Variants in DPP10 observed in about 807,000 individuals in gnomAD.
DPP10 encodes dipeptidyl peptidase like 10, also known as inactive dipeptidyl peptidase 10.
DPP10 carries 33 observed loss-of-function variants against 120.9 expected under a neutral mutation model. The observed-to-expected ratio is 0.27, with a 90% CI of 0.21 to 0.37. The LOEUF (loss-of-function observed/expected upper bound fraction) is 0.37, where lower values mean the gene tolerates loss of function less well. DPP10 is among the 10% of genes least tolerant of loss of function. The probability of loss-of-function intolerance (pLI) is 1.00; values close to 1 mark genes in which losing one functional copy is unlikely to be tolerated. For missense variants in DPP10, 816 were observed against 942.8 expected, an observed-to-expected ratio of 0.87 and a Z score of 1.76; for synonymous variants, 337 against 326.1, an observed-to-expected ratio of 1.03 and a Z score of -0.36.
chr2:114,606,861 A>G (rs116384752), intron 1 of DPP10, among the ~76,000 whole-genome samples: 2,428 of 152,288 alleles, frequency 0.016, 37 homozygotes, highest in Non-Finnish European at 0.025. Context: ...TTTGAGACTT[A>G]GTGTGGTTAA....
rs187392339 is a variant in DPP10 at position 115,781,135 on chromosome 2, A to G, written c.1483+140A>G. Reference sequence around the variant, plus strand: ...TTTGTTAATAGGATATACATTATATATAGACTTACTGAGATACAATTTTTT... The same window carrying G: ...TTTGTTAATAGGATATACATTATATGTAGACTTACTGAGATACAATTTTTT... On this transcript the variant is annotated intron_variant, in intron 16 of 25. Transcript: ENST00000410059. 5.3e-6 allele frequency: 3 copies of G among 565,026 alleles called. No homozygotes were observed. The South Asian group carries it at 1.5e-4, about 28-fold the overall frequency. The allele number at this position is 565,026 out of a possible 1,614,324, so 35.0% of individuals were successfully genotyped here. A position where few individuals can be genotyped will look rare whatever the true frequency, so the allele number is the denominator to read the frequency against.
At chr2:114,567,601 CA>C (rs760415471) in intron 1 of DPP10, among the ~76,000 whole-genome samples, 5 of 152,108 alleles carry the variant, frequency 3.3e-5, no homozygotes, top group Non-Finnish European at 7.4e-5. Context: ...AATAAAATTA[CA>C]TTTTTTAAAG....
At chr2:115,427,083 C>T (rs976722381) in intron 3 of DPP10, among the ~76,000 whole-genome samples, 3 of 152,328 alleles carry the variant, frequency 2.0e-5, no homozygotes, top group East Asian at 1.9e-4. Context: ...CCAAAATACA[C>T]TCCTTTGATG....
At chr2:115,416,682 C>A (rs989669226) in intron 3 of DPP10, among the ~76,000 whole-genome samples, 11 of 152,096 alleles carry the variant, frequency 7.2e-5, no homozygotes, top group African/African-American at 2.4e-4. Flanking sequence ...AACAAGAAAT[C>A]AATTAAATCA....
At chr2:115,780,552 A>G (rs759613318) in intron 15 of DPP10, among the ~76,000 whole-genome samples, 22 of 151,876 alleles carry the variant, frequency 1.4e-4, no homozygotes, top group Non-Finnish European at 2.1e-4. Flanking sequence ...AGAAATATCT[A>G]TTAAAAATGC....
chr2:115,314,239 G>A (rs2061694123), intron 2 of DPP10, among the ~76,000 whole-genome samples: 1 of 152,150 alleles, frequency 6.6e-6, no homozygotes, highest in Admixed American at 6.6e-5. Flanking sequence ...AGCCACCTGC[G>A]AACTGTGTAT....
At chr2:114,537,480 C>T (rs908928161) in intron 1 of DPP10, among the ~76,000 whole-genome samples, 3 of 151,810 alleles carry the variant, frequency 2.0e-5, no homozygotes, top group Admixed American at 2.0e-4. Flanking sequence ...AGCCACACCA[C>T]GTATCAAATA....
intron 1 of DPP10, among the ~76,000 whole-genome samples, chr2:115,167,709 A>T (rs2053002850): frequency 6.6e-6 from 1 of 151,908 alleles, no homozygotes; most frequent in Admixed American, 6.6e-5. Context: ...TATTAGTATG[A>T]TTACACATGA....
At chr2:115,788,343 A>G (rs1490031984) in intron 17 of DPP10, among the ~76,000 whole-genome samples, 1 of 152,168 alleles carries the variant, frequency 6.6e-6, no homozygotes, top group Non-Finnish European at 1.5e-5. Context: ...TTTCACCTTA[A>G]GGAATTAGAA....
intron 5 of DPP10, among the ~76,000 whole-genome samples, chr2:115,602,271 G>C (rs2083374710): frequency 6.6e-6 from 1 of 152,058 alleles, no homozygotes; most frequent in Non-Finnish European, 1.5e-5. Context: ...TGAAGAATCT[G>C]ATTATCTTTA....
At chr2:114,750,199 T>G (rs1410859162) in intron 1 of DPP10, among the ~76,000 whole-genome samples, 1 of 151,984 alleles carries the variant, frequency 6.6e-6, no homozygotes, top group Non-Finnish European at 1.5e-5. Flanking sequence ...TGTTGAAGGC[T>G]GAGTGGAGGA....
intron 5 of DPP10, among the ~76,000 whole-genome samples, chr2:115,668,050 T>G (rs11899269): frequency 0.093 from 14,146 of 152,190 alleles, 729 homozygotes; most frequent in South Asian, 0.14. Context: ...TTATTTTACT[T>G]GCATCTTTGT....
At chr2:115,208,013 A>T (rs777398111) in intron 1 of DPP10, among the ~76,000 whole-genome samples, 15 of 152,140 alleles carry the variant, frequency 9.9e-5, no homozygotes, top group Non-Finnish European at 1.6e-4. Context: ...CAGATATTAG[A>T]TAGAGGACGA....
At chr2:115,617,771 C>A (rs943124320) in intron 5 of DPP10, among the ~76,000 whole-genome samples, 5 of 152,042 alleles carry the variant, frequency 3.3e-5, no homozygotes, top group Non-Finnish European at 7.4e-5. Context: ...TCAGAATGTA[C>A]CCCCATCATT....
intron 1 of DPP10, among the ~76,000 whole-genome samples, chr2:114,733,749 C>T (rs1407004677): frequency 6.6e-6 from 1 of 152,074 alleles, no homozygotes; most frequent in Non-Finnish European, 1.5e-5. Context: ...GTAAGGCTAG[C>T]TTTTGCTGTT....
chr2:115,124,804 G>A (rs1049920834), intron 1 of DPP10, among the ~76,000 whole-genome samples: 2 of 152,124 alleles, frequency 1.3e-5, no homozygotes, highest in South Asian at 2.1e-4. Context: ...TCTAGTTAAC[G>A]TTTAACAAAT....
At chr2:114,743,257 A>C (rs1430223253) in intron 1 of DPP10, among the ~76,000 whole-genome samples, 1 of 152,194 alleles carries the variant, frequency 6.6e-6, no homozygotes, top group Non-Finnish European at 1.5e-5. Flanking sequence ...TCAAGAGTAC[A>C]TCTTTTGGGA....
intron 1 of DPP10, among the ~76,000 whole-genome samples, chr2:114,862,691 A>G (rs1243693196): frequency 6.6e-6 from 1 of 152,186 alleles, no homozygotes; most frequent in Non-Finnish European, 1.5e-5. Context: ...TACAACAGAT[A>G]ATCAGTTGGA....
intron 1 of DPP10, among the ~76,000 whole-genome samples, chr2:114,507,659 T>C (rs1281371303): frequency 6.6e-6 from 1 of 151,442 alleles, no homozygotes; most frequent in Non-Finnish European, 1.5e-5. Flanking sequence ...AGGTTGGTGG[T>C]TGGGGACAGA....
Sources: allele counts gnomAD v4.1 joint callset (sites outside exome capture counted in the v4.1 genomes callset), GRCh38; gene constraint gnomAD v4.1.1; transcripts MANE v1.5; gene names NCBI Gene and HGNC (gene_info 2026-07-23, HGNC 2026-07-21).